ZNF534: variants seen among roughly 807,000 people sequenced by gnomAD.
ZNF534 encodes zinc finger protein 534.
Under a neutral mutation model 13.6 loss-of-function variants are expected in ZNF534, and 19 were observed. The observed-to-expected ratio is 1.40, with a 90% confidence interval of 0.97 to 2.05. ZNF534 has a LOEUF of 2.05. Ranked by LOEUF, ZNF534 falls within the 30% of genes most tolerant of loss-of-function variation. ZNF534 has a pLI of 0.00. For synonymous variants in ZNF534, 244 were observed against 273.8 expected (o/e 0.89, Z 1.07); for missense variants, 782 against 796.3 (o/e 0.98, Z 0.22).
At position 52,435,305 on chromosome 19, in the gene ZNF534, T is replaced by C. The variant is rs557865983; in HGVS notation, c.271+96T>C. 173 of 1,365,528 alleles carry C rather than the reference T, an allele frequency of 1.3e-4. No homozygotes were observed. In the Middle Eastern group the frequency reaches 1.8e-3, roughly 14 times the overall value. The allele number at this position is 1,365,528 out of a possible 1,614,324, so 84.6% of individuals were successfully genotyped here. On this transcript the variant is annotated intron_variant, in intron 4 of 4. Transcript: ENST00000433050. The stretch of plus-strand genomic sequence containing the variant: ...CCAGGCTGGAGTACAGTGGCAATCA[T>C]AGCTCACAGCAGCCTTAAACTCCTG...
chr19:52,451,448 C>A, exon 5 of ZNF534: 1 of 615,368 alleles, frequency 1.6e-6, no homozygotes, highest in Admixed American at 3.0e-5. Context: ...CCGCACGCCC[C>A]GGACGCTGTC....
rs879115374 is a variant in ZNF534 at position 52,438,618 on chromosome 19, G to C, written c.1158G>C (p.Glu386Asp). ...GAGAGAAACCTTACAAATGTAATGA[G>C]TGTGGCAAGGTCTTTATTGGCAATT... ...HTGEKPYKCN[E>D]CGKVFIGNSR... The change falls in exon 5 of 5, where the codon GAG becomes GAC. Residue 386 changes from glutamate (E) to aspartate (D), a missense_variant. This residue lies in a region of ZNF534 where 591 missense variants were observed against 574.0 expected (regional missense o/e 1.03). Transcript: ENST00000433050. 6.3e-7 allele frequency: 1 copy of C among 1,588,960 alleles called. No individual in the cohort carries two copies. Among genetic ancestry groups the C allele is most frequent in the Non-Finnish European group, 8.6e-7 (1 of 1,166,498 alleles).
chr19:52,431,956 T>C (rs976853547), intron 2 of ZNF534, among the ~76,000 whole-genome samples: 1 of 151,820 alleles, frequency 6.6e-6, no homozygotes, highest in Admixed American at 6.6e-5. Flanking sequence ...CTAGTGTATA[T>C]GAGTGTTAGT....
chr19:52,433,524 G>A (rs146559532), intron 2 of ZNF534, among the ~76,000 whole-genome samples: 7,719 of 151,984 alleles, frequency 0.051, 238 homozygotes, highest in African/African-American at 0.061. Context: ...CCACCACCGC[G>A]CCTGGCTAAT....
intron 4 of ZNF534, among the ~76,000 whole-genome samples, chr19:52,450,812 G>C (rs324107): frequency 0.9 from 135,951 of 150,982 alleles, 61,693 homozygotes; most frequent in Non-Finnish European, 0.96. Flanking sequence ...TCAGTCTCCT[G>C]AGTAGCTAGG....
intron 4 of ZNF534, among the ~76,000 whole-genome samples, chr19:52,436,425 G>T (rs1455338376): frequency 6.6e-6 from 1 of 152,104 alleles, no homozygotes; most frequent in Non-Finnish European, 1.5e-5. Context: ...ATGTCCCTGT[G>T]TGAATGTCTT....
At chr19:52,451,240 G>A (rs1391084253) in exon 5 of ZNF534, 1 of 737,812 alleles carries the variant, frequency 1.4e-6, no homozygotes, top group Non-Finnish European at 2.5e-6. Context: ...AGCCTGGCGC[G>A]CGTCCGGAGG....
At chr19:52,434,196 A>G in intron 3 of ZNF534, 115 bp downstream of exon 3, 1 of 1,483,578 alleles carries the variant, frequency 6.7e-7, no homozygotes, top group Non-Finnish European at 9.0e-7. Flanking sequence ...AAACCTGTTG[A>G]CTAAGAAATG....
chr19:52,434,218 A>G (rs2059112985), intron 3 of ZNF534, 137 bp downstream of exon 3: 1 of 1,343,576 alleles, frequency 7.4e-7, no homozygotes, highest in South Asian at 1.5e-5. Context: ...AAAGCAGGCC[A>G]GGCGCAGTGG....
At chr19:52,432,065 A>G (rs774484786) in intron 2 of ZNF534, among the ~76,000 whole-genome samples, 6 of 151,732 alleles carry the variant, frequency 4.0e-5, no homozygotes, top group African/African-American at 7.3e-5. Context: ...TTATATATAT[A>G]TATATTTTTA....
chr19:52,449,962 A>G lies in ZNF534; in HGVS notation c.272-1225A>G, dbSNP rs980575020. Among the ~76,000 whole-genome samples the G allele has an allele frequency of 3.3e-5, 5 of 152,184 alleles. No homozygotes were observed. In the East Asian group the frequency reaches 9.6e-4, roughly 29 times the overall value. ...TTGAACCCGGGAAGGCAGACGTTGC[A>G]GTGAGCCAAGATCGCACCACTGCAC... On this transcript the variant is annotated intron_variant, in intron 4 of 4. Transcript: ENST00000301085.
At chr19:52,435,236 G>C (rs760821869) in intron 4 of ZNF534, 27 bp downstream of exon 4, 1 of 1,580,086 alleles carries the variant, frequency 6.3e-7, no homozygotes, top group South Asian at 1.2e-5. Flanking sequence ...GCAGAGTGGA[G>C]GCCCCATAAT....
Position 52,438,026 on chromosome 19 carries a change from A to G in ZNF534, c.566A>G (p.Asn189Ser), listed in dbSNP as rs566239760. The G allele has an allele frequency of 6.1e-5, 99 of 1,614,160 alleles. No individual in the cohort carries two copies. In the South Asian group the frequency reaches 1.1e-3, roughly 18 times the overall value. Residue 189 changes from asparagine (N) to serine (S), a missense_variant, in exon 5 of 5, where the codon AAT (asparagine) becomes AGT (serine). Transcript: ENST00000433050. ...ATTAGGGAAAAGCCTTATGGATGTA[A>G]TGAGCATGGGAAAGTCTTCAGAGTG... ...VHIREKPYGCNEHGKVFRVSS... is the reference protein window; with the variant it reads ...VHIREKPYGCSEHGKVFRVSS...
rs1423906741 is a variant in ZNF534, at chr19:52,439,969, G to A, written c.*523G>A. ...TGTGATCCCAGCTACTCAGGAGGCT[G>A]AGGCAGGAGAATTGCTTGAACCTGG... On this transcript the variant is annotated 3_prime_UTR_variant, in exon 5 of 5. Coordinates refer to ENST00000433050, the MANE Select transcript of ZNF534 (RefSeq NM_001143938.3). Among the ~76,000 whole-genome samples the A allele has an allele frequency of 6.6e-6, 1 of 152,204 alleles. No individual in the cohort carries two copies. Among genetic ancestry groups the A allele is most frequent in the Non-Finnish European group, 1.5e-5 (1 of 68,044 alleles).
chr19:52,442,004 T>C lies in ZNF534; in HGVS notation c.*2558T>C, dbSNP rs768974115. Among the ~76,000 whole-genome samples, 3 of 152,004 alleles carry C rather than the reference T, an allele frequency of 2.0e-5. No homozygotes were observed. The highest frequency in any genetic ancestry group is 2.9e-5 in the Non-Finnish European group (2 of 68,028). The stretch of plus-strand genomic sequence containing the variant: ...GGAGAAATCATATAAATGTAATGTA[T>C]GTGGCACAGGCTTTCCTGAGGCCTG... On this transcript the variant is annotated 3_prime_UTR_variant, in exon 5 of 5. Coordinates refer to ENST00000433050, the MANE Select transcript of ZNF534 (RefSeq NM_001143938.3).
intron 3 of ZNF534, 64 bp downstream of exon 3, chr19:52,434,145 G>A (rs1568442355): frequency 6.4e-7 from 1 of 1,572,988 alleles, no homozygotes; most frequent in Non-Finnish European, 8.6e-7. Flanking sequence ...ATTTTCTCTT[G>A]TGTGTCTCTC....
chr19:52,445,222 A>T (rs1448520346), downstream of ZNF534, among the ~76,000 whole-genome samples: 4 of 147,910 alleles, frequency 2.7e-5, no homozygotes, highest in East Asian at 5.9e-4. Context: ...TTTGAGACAG[A>T]GTCTTGCTCT....
intron 3 of ZNF534, among the ~76,000 whole-genome samples, chr19:52,434,464 C>CAAAA (rs528136970): frequency 3.5e-4 from 22 of 63,064 alleles, no homozygotes; most frequent in African/African-American, 8.8e-4. Context: ...GACTCCGTCT[C>CAAAA]AAAAAAAAAA....
chr19:52,445,841 G>T (rs1211930295), downstream of ZNF534, among the ~76,000 whole-genome samples: 1 of 151,986 alleles, frequency 6.6e-6, no homozygotes, highest in Admixed American at 6.6e-5. Flanking sequence ...CTGAAAACAA[G>T]AATTTTTCTT....
Sources: allele counts gnomAD v4.1 joint callset (sites outside exome capture counted in the v4.1 genomes callset), GRCh38; gene constraint gnomAD v4.1.1; regional missense constraint gnomAD v4.1.1; transcripts MANE v1.5; gene names NCBI Gene and HGNC (gene_info 2026-07-23, HGNC 2026-07-21).